The following GRIK2 variants were observed in gnomAD, a reference collection of about 807,000 sequenced individuals.
GRIK2 encodes the protein glutamate receptor ionotropic, kainate 2.
In GRIK2, 32 loss-of-function variants were observed where a neutral mutation model predicts 100.3. The ratio of observed to expected loss-of-function variants is 0.32; its 90% CI spans 0.24 to 0.43. The LOEUF (loss-of-function observed/expected upper bound fraction) is 0.43. Among genes scored for constraint, GRIK2 ranks in the 20% least tolerant of loss-of-function variants. The probability of loss-of-function intolerance (pLI) is 1.00; values close to 1 mark genes in which losing one functional copy is unlikely to be tolerated. For synonymous variants in GRIK2, 417 were observed against 389.4 expected (o/e 1.07, Z -0.83); for missense variants, 843 against 1,114.9 (o/e 0.76, Z 3.47).
At chr6:101,915,337 T>C (rs978644697) in intron 12 of GRIK2, among the ~76,000 whole-genome samples, 1 of 151,320 alleles carries the variant, frequency 6.6e-6, no homozygotes, top group African/African-American at 2.4e-5. Flanking sequence ...GAATGATGAC[T>C]AAAAATTTTC....
At chr6:101,806,984 T>C (rs1030832063) in intron 9 of GRIK2, among the ~76,000 whole-genome samples, 5 of 151,844 alleles carry the variant, frequency 3.3e-5, no homozygotes, top group African/African-American at 1.2e-4. Context: ...ATTAAGGCTT[T>C]GCAAAGTATC....
At chr6:101,805,413 TAAATTGATGCTAG>T (rs2128415982) in intron 9 of GRIK2, among the ~76,000 whole-genome samples, 1 of 151,916 alleles carries the variant, frequency 6.6e-6, no homozygotes, top group South Asian at 2.1e-4. Context: ...CATCTTGAAA[TAAATTGATGCTAG>T]AAATTTTAAT....
At chr6:101,394,008 G>C (rs931782108) in intron 1 of GRIK2, among the ~76,000 whole-genome samples, 171 bp downstream of exon 1, 1 of 152,244 alleles carries the variant, frequency 6.6e-6, no homozygotes, top group Non-Finnish European at 1.5e-5. Flanking sequence ...CCGCTGGACG[G>C]ATTCACTGCG....
chr6:101,731,595 T>C (rs1372253582), intron 7 of GRIK2, among the ~76,000 whole-genome samples: 1 of 151,974 alleles, frequency 6.6e-6, no homozygotes, highest in Non-Finnish European at 1.5e-5. Context: ...AATAAAAAGC[T>C]ATAAATTGTT....
chr6:101,968,034 A>G (rs947141452), intron 14 of GRIK2, among the ~76,000 whole-genome samples: 3 of 151,978 alleles, frequency 2.0e-5, no homozygotes, highest in African/African-American at 7.2e-5. Context: ...GAGAACTAGA[A>G]AAGATGTGAC....
At chr6:101,514,252 T>C (rs1774466990) in intron 2 of GRIK2, among the ~76,000 whole-genome samples, 1 of 151,760 alleles carries the variant, frequency 6.6e-6, no homozygotes, top group South Asian at 2.1e-4. Context: ...TCCAGATGAA[T>C]CATAGACACA....
chr6:101,491,731 T>C (rs1251640817), intron 2 of GRIK2, among the ~76,000 whole-genome samples: 1 of 151,988 alleles, frequency 6.6e-6, no homozygotes, highest in Non-Finnish European at 1.5e-5. Flanking sequence ...CATACTATAC[T>C]ATTATCTTTA....
At chr6:101,945,780 C>T (rs1448022617) in intron 14 of GRIK2, among the ~76,000 whole-genome samples, 1 of 151,996 alleles carries the variant, frequency 6.6e-6, no homozygotes, top group Non-Finnish European at 1.5e-5. Flanking sequence ...ACACATGTTC[C>T]TTCCATGATA....
intron 2 of GRIK2, among the ~76,000 whole-genome samples, chr6:101,575,521 G>T (rs983638934): frequency 6.6e-6 from 1 of 151,894 alleles, no homozygotes; most frequent in East Asian, 1.9e-4. Context: ...TAACTGTTTT[G>T]TTGTTAATCT....
intron 2 of GRIK2, among the ~76,000 whole-genome samples, chr6:101,620,746 G>A (rs1430005402): frequency 6.6e-6 from 1 of 152,146 alleles, no homozygotes; most frequent in Non-Finnish European, 1.5e-5. Flanking sequence ...TAAAGTACTT[G>A]TTTCCTAAGG....
Position 102,062,734 on chromosome 6 carries a change from GTA to G in GRIK2, c.2563-5610_2563-5609del, listed in dbSNP as rs138372953. 5.8e-3 allele frequency among the ~76,000 whole-genome samples: 880 copies of G among 150,446 alleles called. 11 individuals carry two copies. Among genetic ancestry groups the G allele is most frequent in the African/African-American group, 0.02 (841 of 41,324 alleles). ...CCTTAGGTCAATTCATACTTCTGAT[GTA>G]TAGCATTAACTGTTTGATGTTTTTA... On this transcript the variant is annotated intron_variant, in intron 16 of 16. Transcript: ENST00000369134.
chr6:101,769,800 G>A (rs1039194349), intron 7 of GRIK2, among the ~76,000 whole-genome samples: 3 of 152,124 alleles, frequency 2.0e-5, no homozygotes, highest in African/African-American at 7.2e-5. Context: ...GCACGTCAAA[G>A]TAAACTATGC....
chr6:101,569,843 A>T (rs1777449538), intron 2 of GRIK2, among the ~76,000 whole-genome samples: 2 of 152,106 alleles, frequency 1.3e-5, no homozygotes, highest in Non-Finnish European at 2.9e-5. Flanking sequence ...CTCTGCCTGG[A>T]TATATTTATT....
At chr6:101,958,253 T>TTGTGTGTGTGTGTGTGTGTGTG (rs1554292720) in intron 14 of GRIK2, among the ~76,000 whole-genome samples, 2,739 of 139,362 alleles carry the variant, frequency 0.02, 57 homozygotes, top group South Asian at 0.035. Context: ...TGCTACATAT[T>TTGTGTGTGTGTGTGTGTGTGTG]TGTGTGTGTG....
At position 101,611,962 on chromosome 6, in the gene GRIK2, A is replaced by G. The variant is rs559332814; in HGVS notation, c.116-9987A>G. On this transcript the variant is annotated intron_variant, in intron 2 of 16. Coordinates refer to ENST00000369134, the MANE Select transcript of GRIK2 (RefSeq NM_021956.5). ...ACATAAAACTCTTAGAATTTGTTCA[A>G]AGAAACAAAGTATTTACCACTTAGA... Among the ~76,000 whole-genome samples, 4 of 152,044 alleles carry G rather than the reference A, an allele frequency of 2.6e-5. No individual in the cohort carries two copies. The East Asian group carries it at 7.8e-4, about 29-fold the overall frequency.
chr6:101,891,484 T>C lies in GRIK2; in HGVS notation c.1748+1621T>C. The C allele has an allele frequency of 1.8e-5, 6 of 329,744 alleles. 1 individual carries two copies. Among genetic ancestry groups the C allele is most frequent in the South Asian group, 1.3e-4 (6 of 45,234 alleles). The allele number at this position is 329,744 out of a possible 1,614,324, so 20.4% of individuals were successfully genotyped here. ...GTAAGCCGAGATCGTGCCACTGCAC[T>C]CCAGCCTGGGAGATATAGCAGGACT... On this transcript the variant is annotated intron_variant, in intron 12 of 16. Coordinates refer to ENST00000369134, the MANE Select transcript of GRIK2 (RefSeq NM_021956.5).
At chr6:101,481,274 A>G (rs2128261185) in intron 2 of GRIK2, among the ~76,000 whole-genome samples, 1 of 152,314 alleles carries the variant, frequency 6.6e-6, no homozygotes, top group African/African-American at 2.4e-5. Context: ...TATGAAATTA[A>G]TGCAGAAGGC....
chr6:101,720,606 C>T (rs745924943), intron 7 of GRIK2, among the ~76,000 whole-genome samples: 4 of 151,958 alleles, frequency 2.6e-5, no homozygotes, highest in Non-Finnish European at 4.4e-5. Context: ...TGTCATACCA[C>T]ATCTATTTTT....
intron 14 of GRIK2, among the ~76,000 whole-genome samples, chr6:101,986,466 T>C (rs1423118142): frequency 6.6e-6 from 1 of 151,904 alleles, no homozygotes; most frequent in East Asian, 1.9e-4. Flanking sequence ...TTCTTCTGCA[T>C]AGTTTGAACG....
Sources: gnomAD v4.1 joint callset for allele counts (sites outside exome capture counted in the v4.1 genomes callset) on GRCh38, gnomAD v4.1.1 for gene constraint, MANE v1.5 for transcripts, NCBI Gene and HGNC (gene_info 2026-07-23, HGNC 2026-07-21) for gene names.